The following SEMA4F variants were observed in gnomAD, a reference collection of about 807,000 sequenced individuals.
SEMA4F encodes the protein semaphorin-4F.
Under a neutral mutation model 78.4 loss-of-function variants are expected in SEMA4F, and 51 were observed. That is an observed-to-expected ratio of 0.65 (90% CI 0.52 to 0.82). The LOEUF (loss-of-function observed/expected upper bound fraction) is 0.82, where lower values mean the gene tolerates loss of function less well. Among genes scored for constraint, SEMA4F ranks in the 40% least tolerant of loss-of-function variants. The pLI is 0.00. For synonymous variants in SEMA4F, 418 were observed against 408.7 expected, an observed-to-expected ratio of 1.02 and a Z score of -0.27; for missense variants, 938 against 1,014.4, an observed-to-expected ratio of 0.92 and a Z score of 1.02.
chr2:74,664,975 G>T (rs527670699), intron 5 of SEMA4F, among the ~76,000 whole-genome samples: 2 of 152,126 alleles, frequency 1.3e-5, no homozygotes, highest in East Asian at 3.9e-4. Flanking sequence ...TCGCATGAGG[G>T]GGGATCTAAA....
At chr2:74,654,579 A>G (rs1000086577) in intron 1 of SEMA4F, 58 bp downstream of exon 1, 67 of 1,406,688 alleles carry the variant, frequency 4.8e-5, no homozygotes, top group Non-Finnish European at 5.5e-5. Flanking sequence ...ACCCACACCC[A>G]CCTGCTCCTC....
chr2:74,684,110 A>G (rs1355923139), downstream of SEMA4F, among the ~76,000 whole-genome samples: 3 of 150,144 alleles, frequency 2.0e-5, no homozygotes, highest in Non-Finnish European at 4.4e-5. Flanking sequence ...TTTTTTAACC[A>G]GACAAAGCCT....
intron 1 of SEMA4F, chr2:74,655,236 A>T (rs1414856525): frequency 3.0e-6 from 1 of 338,704 alleles, no homozygotes; most frequent in Admixed American, 3.9e-5. Flanking sequence ...CAATGTGTTG[A>T]TGTAAAGTTC....
chr2:74,699,585 T>C, the SEMA4F span, among the ~76,000 whole-genome samples: 45 of 152,036 alleles, frequency 3.0e-4, no homozygotes, highest in Non-Finnish European at 5.4e-4. Flanking sequence ...TTGGGGGTGG[T>C]TGAAGGTAGT....
chr2:74,656,876 G>A (rs905997016), intron 2 of SEMA4F, among the ~76,000 whole-genome samples, 191 bp downstream of exon 2: 1 of 152,082 alleles, frequency 6.6e-6, no homozygotes. Context: ...GCGGGTCAGG[G>A]TGACTGGGGA....
chr2:74,708,496 C>T, the SEMA4F span, among the ~76,000 whole-genome samples: 1 of 152,136 alleles, frequency 6.6e-6, no homozygotes, highest in Non-Finnish European at 1.5e-5. Flanking sequence ...CACTCTACCC[C>T]AGTGGAGTGT....
At chr2:74,708,948 T>C in the SEMA4F span, among the ~76,000 whole-genome samples, 1 of 152,144 alleles carries the variant, frequency 6.6e-6, no homozygotes, top group Non-Finnish European at 1.5e-5. Flanking sequence ...AGAGGATCGC[T>C]TGAGCCCAGG....
intron 4 of SEMA4F, among the ~76,000 whole-genome samples, chr2:74,659,731 C>T (rs547809378): frequency 9.8e-5 from 15 of 152,314 alleles, no homozygotes; most frequent in African/African-American, 3.6e-4. Flanking sequence ...TACCCAGCAG[C>T]CCCAGTCTGC....
chr2:74,662,221 G>T (rs1018260132), intron 4 of SEMA4F, among the ~76,000 whole-genome samples: 2 of 152,146 alleles, frequency 1.3e-5, no homozygotes, highest in Non-Finnish European at 2.9e-5. Flanking sequence ...TTGGGGTGGG[G>T]AATAGGAGGA....
chr2:74,657,000 CT>C (rs926350065), intron 2 of SEMA4F, among the ~76,000 whole-genome samples: 3 of 151,988 alleles, frequency 2.0e-5, no homozygotes, highest in Non-Finnish European at 4.4e-5. Flanking sequence ...AGCTTTCAAA[CT>C]TTTTTTTGAC....
the SEMA4F span, among the ~76,000 whole-genome samples, chr2:74,704,882 C>T: frequency 2.6e-5 from 4 of 152,196 alleles, no homozygotes; most frequent in Non-Finnish European, 5.9e-5. Context: ...TCTTCTTCAG[C>T]TCCTCCCAAC....
Position 74,673,690 on chromosome 2 carries a change from C to T in SEMA4F, c.684C>T (p.Val228=), listed in dbSNP as rs778094443. The T allele has an allele frequency of 2.2e-5, 36 of 1,613,732 alleles. No individual in the cohort carries two copies. Among genetic ancestry groups the T allele is most frequent in the African/African-American group, 1.3e-4 (10 of 74,904 alleles). Residue 228 remains valine (V), a synonymous_variant, in exon 7 of 14, where the codon GTC becomes GTT. Coordinates refer to ENST00000357877, the MANE Select transcript of SEMA4F (RefSeq NM_004263.5). ...LPSWLNAPAF[V]AAVALSPAEW... The stretch of plus-strand genomic sequence containing the variant: ...TGGTATTCCCAGCCCCAGCCTTTGT[C>T]GCAGCCGTGGCCTTGAGCCCAGCCG...
In SEMA4F at chr2:74,677,050, C is replaced by T. The variant is rs374376174; in HGVS notation, c.1643+1141C>T. On this transcript the variant is annotated intron_variant, in intron 12 of 13. Coordinates refer to ENST00000357877, the MANE Select transcript of SEMA4F (RefSeq NM_004263.5). ...CCGAATAGCTGGGATTACAGGTGCC[C>T]GCCACCATGCCCGGCTGATTTTTGT... Among the ~76,000 whole-genome samples the T allele has an allele frequency of 7.9e-5, 12 of 151,986 alleles. No individual in the cohort carries two copies. The South Asian group carries it at 1.9e-3, about 24-fold the overall frequency.
intron 4 of SEMA4F, among the ~76,000 whole-genome samples, chr2:74,659,503 G>A (rs1573228658): frequency 6.6e-6 from 1 of 152,068 alleles, no homozygotes. Context: ...TGAAGCCAGG[G>A]GTCTGTGTCC....
chr2:74,697,457 G>T, the SEMA4F span, among the ~76,000 whole-genome samples: 3 of 152,276 alleles, frequency 2.0e-5, no homozygotes, highest in South Asian at 6.2e-4. Context: ...GGAGAAGTGA[G>T]GGGGCAGATA....
chr2:74,679,197 T>G (rs1685442222), intron 12 of SEMA4F, 79 bp from the exon 13 acceptor site: 1 of 1,053,876 alleles, frequency 9.5e-7, no homozygotes, highest in Non-Finnish European at 1.5e-6. Context: ...ATATATTGAA[T>G]GAGGGAGTCT....
chr2:74,666,563 A>C (rs1429952533), intron 5 of SEMA4F, among the ~76,000 whole-genome samples: 2 of 152,228 alleles, frequency 1.3e-5, no homozygotes, highest in Admixed American at 1.3e-4. Context: ...AATCATAGTC[A>C]ATACTAATAT....
At chr2:74,693,056 C>T in the SEMA4F span, among the ~76,000 whole-genome samples, 1 of 152,136 alleles carries the variant, frequency 6.6e-6, no homozygotes, top group South Asian at 2.1e-4. Context: ...TGGTGGATTT[C>T]CTTTCAGACT....
chr2:74,702,856 G>C, the SEMA4F span, among the ~76,000 whole-genome samples: 135 of 152,190 alleles, frequency 8.9e-4, no homozygotes, highest in African/African-American at 3.2e-3. Context: ...TGATTTGGGA[G>C]CCTAAAGAAA....
Sources: gnomAD v4.1 joint callset for allele counts (sites outside exome capture counted in the v4.1 genomes callset) on GRCh38, gnomAD v4.1.1 for gene constraint, MANE v1.5 for transcripts, NCBI Gene and HGNC (gene_info 2026-07-23, HGNC 2026-07-21) for gene names.